Variants in CHODL observed in about 807,000 individuals in gnomAD.
The protein encoded by CHODL is transmembrane protein MT75.
CHODL carries 29 observed loss-of-function variants against 34.5 expected under a neutral mutation model. The ratio of observed to expected loss-of-function variants is 0.84; its 90% CI spans 0.63 to 1.15. The LOEUF (loss-of-function observed/expected upper bound fraction) is 1.15, where lower values mean the gene tolerates loss of function less well. CHODL is among the 50% of genes most tolerant of loss of function. The probability of loss-of-function intolerance (pLI) is 0.00; values close to 1 mark genes in which losing one functional copy is unlikely to be tolerated. For missense variants in CHODL, 332 were observed against 332.5 expected, an observed-to-expected ratio of 1.00 and a Z score of 0.01; for synonymous variants, 125 against 116.1, an observed-to-expected ratio of 1.08 and a Z score of -0.49.
intron 2 of CHODL, among the ~76,000 whole-genome samples, chr21:18,111,621 G>T (rs560085459): frequency 2.6e-5 from 4 of 152,212 alleles, no homozygotes; most frequent in African/African-American, 9.6e-5. Flanking sequence ...CACAAAGTGG[G>T]TATGCCATTT....
At chr21:17,975,189 C>T (rs920201073) in intron 1 of CHODL, among the ~76,000 whole-genome samples, 2 of 151,898 alleles carry the variant, frequency 1.3e-5, no homozygotes, top group Non-Finnish European at 2.9e-5. Context: ...AAGCTGGAGG[C>T]CATTGTCCTA....
chr21:18,208,615 G>A (rs879319905), intron 2 of CHODL, among the ~76,000 whole-genome samples: 2 of 152,186 alleles, frequency 1.3e-5, no homozygotes, highest in Non-Finnish European at 2.9e-5. Flanking sequence ...CTGGGCTTGT[G>A]TGTATCCATT....
At chr21:18,046,075 G>T (rs2064439009) in intron 2 of CHODL, among the ~76,000 whole-genome samples, 1 of 151,964 alleles carries the variant, frequency 6.6e-6, no homozygotes, top group Admixed American at 6.6e-5. Context: ...GGCATCCTCA[G>T]AACACTAATA....
intron 2 of CHODL, among the ~76,000 whole-genome samples, chr21:18,214,436 C>T (rs541324975): frequency 2.0e-5 from 3 of 152,090 alleles, no homozygotes; most frequent in South Asian, 2.1e-4. Flanking sequence ...TAGCACCTAG[C>T]GAAATTCTTC....
intron 2 of CHODL, among the ~76,000 whole-genome samples, chr21:18,112,705 T>A (rs1239111438): frequency 6.6e-6 from 1 of 152,150 alleles, no homozygotes; most frequent in East Asian, 1.9e-4. Flanking sequence ...GAAAACTGGA[T>A]ATCCATAGGC....
At chr21:18,257,542 A>G (rs2074332406) in intron 3 of CHODL, among the ~76,000 whole-genome samples, 1 of 152,204 alleles carries the variant, frequency 6.6e-6, no homozygotes, top group Admixed American at 6.5e-5. Context: ...AAGAGAACAA[A>G]GCACTTTCTC....
intron 2 of CHODL, among the ~76,000 whole-genome samples, chr21:18,069,244 C>T (rs942760663): frequency 2.6e-5 from 4 of 152,064 alleles, no homozygotes; most frequent in African/African-American, 7.2e-5. Context: ...TTGAATACAA[C>T]ACACTACCAG....
chr21:18,245,904 C>T, intron 1 of CHODL: 3 of 1,535,448 alleles, frequency 2.0e-6, no homozygotes, highest in South Asian at 2.4e-5. Context: ...GGGGACTTCC[C>T]AGAAAATGAA....
chr21:17,983,347 T>G (rs1006966586), intron 1 of CHODL, among the ~76,000 whole-genome samples: 1 of 152,204 alleles, frequency 6.6e-6, no homozygotes, highest in Non-Finnish European at 1.5e-5. Context: ...AAAAATATCC[T>G]CATACATACA....
At chr21:18,069,155 C>T (rs1208052865) in intron 2 of CHODL, among the ~76,000 whole-genome samples, 8 of 151,946 alleles carry the variant, frequency 5.3e-5, no homozygotes, top group East Asian at 1.9e-4. Flanking sequence ...AATTATCTTT[C>T]GGGGGAAACA....
At chr21:18,085,215 A>G (rs184255044) in intron 2 of CHODL, among the ~76,000 whole-genome samples, 17 of 152,160 alleles carry the variant, frequency 1.1e-4, no homozygotes, top group African/African-American at 3.6e-4. Flanking sequence ...GCATATAGTT[A>G]GATCATGTTT....
intron 2 of CHODL, among the ~76,000 whole-genome samples, chr21:18,082,710 C>A (rs2064956961): frequency 6.6e-6 from 1 of 152,170 alleles, no homozygotes; most frequent in African/African-American, 2.4e-5. Flanking sequence ...CTGTAGAAAT[C>A]TATGGAACTT....
intron 2 of CHODL, chr21:18,100,025 A>G (rs757359209): frequency 1.3e-5 from 2 of 152,176 alleles, no homozygotes; most frequent in African/African-American, 4.8e-5. Flanking sequence ...AAATCTAAGG[A>G]TATGACAAAG....
At chr21:18,240,563 T>C (rs535402298), upstream of CHODL, among the ~76,000 whole-genome samples, 49 of 152,300 alleles carry the variant, frequency 3.2e-4, no homozygotes, top group Admixed American at 5.9e-4. Context: ...GAGGCAAAGA[T>C]GACTTTAGCT....
At position 17,931,390 on chromosome 21, in the gene CHODL, C is replaced by T. The variant is rs1428277461; in HGVS notation, c.-145+13990C>T. Reference sequence around the variant, plus strand: ...TCAACTTATACTATAGTCACACTGTCATGGGGAAAATAATCCCATCTAAAT... The same window carrying T: ...TCAACTTATACTATAGTCACACTGTTATGGGGAAAATAATCCCATCTAAAT... On this transcript the variant is annotated intron_variant, in intron 1 of 6. Transcript: ENST00000400127. Among the ~76,000 whole-genome samples, 3 of 152,158 alleles carry T rather than the reference C, an allele frequency of 2.0e-5. No individual in the cohort carries two copies. In the East Asian group the frequency reaches 5.8e-4, roughly 29 times the overall value.
rs1021478233 is a variant in CHODL at position 18,252,340 on chromosome 21, T to C, written c.80-4169T>C. On this transcript the variant is annotated intron_variant, in intron 1 of 5. Coordinates refer to ENST00000299295, the MANE Select transcript of CHODL (RefSeq NM_024944.3). ...ATAAGAGACAGAGAAATTCTCCACG[T>C]TATCTCACAGAATGAGACGAGAGGT... Among the ~76,000 whole-genome samples, 7 of 152,298 alleles carry C rather than the reference T, an allele frequency of 4.6e-5. No individual in the cohort carries two copies. In the South Asian group the frequency reaches 1.5e-3, roughly 32 times the overall value.
chr21:18,259,675 G>A (rs1304750973), intron 3 of CHODL, among the ~76,000 whole-genome samples: 1 of 152,196 alleles, frequency 6.6e-6, no homozygotes, highest in African/African-American at 2.4e-5. Flanking sequence ...GGATGGCATT[G>A]TATATGCAGA....
At chr21:17,960,434 C>T (rs961519720) in intron 1 of CHODL, among the ~76,000 whole-genome samples, 2 of 152,154 alleles carry the variant, frequency 1.3e-5, no homozygotes, top group Non-Finnish European at 1.5e-5. Context: ...CTGTTGAGCA[C>T]CCTGGCCAAA....
chr21:17,922,401 A>G (rs532380593), intron 1 of CHODL, among the ~76,000 whole-genome samples: 138 of 152,284 alleles, frequency 9.1e-4, no homozygotes, highest in African/African-American at 3.2e-3. Context: ...ACAGCCTAGT[A>G]TGACTTGCTG....
Sources: gnomAD v4.1 joint callset for allele counts (sites outside exome capture counted in the v4.1 genomes callset) on GRCh38, gnomAD v4.1.1 for gene constraint, MANE v1.5 for transcripts, NCBI Gene and HGNC (gene_info 2026-07-23, HGNC 2026-07-21) for gene names.